Variants in C1QTNF3 observed in about 807,000 individuals in gnomAD.
The protein encoded by C1QTNF3 is C1q and TNF related 3, also known as complement C1q tumor necrosis factor-related protein 3.
In C1QTNF3, 26 loss-of-function variants were observed where a neutral mutation model predicts 32.6. The ratio of observed to expected loss-of-function variants is 0.80; its 90% CI spans 0.58 to 1.11. The LOEUF is 1.11. C1QTNF3 is among the 50% of genes least tolerant of loss of function. The pLI is 0.00. For synonymous variants in C1QTNF3, 155 were observed against 146.0 expected, an observed-to-expected ratio of 1.06 and a Z score of -0.44; for missense variants, 362 against 398.2, an observed-to-expected ratio of 0.91 and a Z score of 0.77.
chr5:34,047,181 A>G (rs1316272986), upstream of C1QTNF3, among the ~76,000 whole-genome samples: 2 of 152,206 alleles, frequency 1.3e-5, no homozygotes, highest in African/African-American at 4.8e-5. Flanking sequence ...TTCACAAAAG[A>G]CACCTGAGGA....
At chr5:34,078,554 C>T in the C1QTNF3 span, among the ~76,000 whole-genome samples, 27 of 151,650 alleles carry the variant, frequency 1.8e-4, no homozygotes, top group African/African-American at 5.4e-4. The surrounding 1 kb of genome is among the most constrained non-coding windows in gnomAD (Gnocchi z 4.0). Context: ...TGGGAGAAAC[C>T]GCCTCCATGA....
the C1QTNF3 span, among the ~76,000 whole-genome samples, chr5:34,112,567 G>A: frequency 4.0e-5 from 6 of 151,800 alleles, no homozygotes. Context: ...TACTTGGGAA[G>A]CTGAGGTGGA....
the C1QTNF3 span, among the ~76,000 whole-genome samples, chr5:34,181,081 T>A: frequency 6.6e-6 from 1 of 152,290 alleles, no homozygotes; most frequent in East Asian, 1.9e-4. Context: ...CGGCCTAGAC[T>A]GTTGTTGAAG....
chr5:34,127,590 T>C, the C1QTNF3 span, among the ~76,000 whole-genome samples: 75,132 of 145,508 alleles, frequency 0.52, 20,074 homozygotes, highest in Non-Finnish European at 0.6. Context: ...TTCTTTTCCT[T>C]TTTTTTTTTT....
the C1QTNF3 span, among the ~76,000 whole-genome samples, chr5:34,060,727 A>G: frequency 6.6e-6 from 1 of 152,156 alleles, no homozygotes; most frequent in African/African-American, 2.4e-5. Flanking sequence ...CTCATTTACT[A>G]TCATGAGAAT....
chr5:34,144,539 A>T, the C1QTNF3 span, among the ~76,000 whole-genome samples: 1 of 152,338 alleles, frequency 6.6e-6, no homozygotes, highest in South Asian at 2.1e-4. Context: ...TCATAAAGTA[A>T]GTCTCAATAA....
chr5:34,123,842 G>A, the C1QTNF3 span, among the ~76,000 whole-genome samples: 1 of 152,124 alleles, frequency 6.6e-6, no homozygotes, highest in Non-Finnish European at 1.5e-5. Context: ...AGGTGTTTGT[G>A]TATGAGTGGT....
At chr5:34,178,186 C>T in the C1QTNF3 span, among the ~76,000 whole-genome samples, 1 of 149,244 alleles carries the variant, frequency 6.7e-6, no homozygotes. Flanking sequence ...GAGGCTGATG[C>T]AGGAGAATTG....
At chr5:34,154,175 C>T in the C1QTNF3 span, among the ~76,000 whole-genome samples, 9 of 151,986 alleles carry the variant, frequency 5.9e-5, no homozygotes, top group African/African-American at 9.7e-5. Context: ...TAGTAATCAT[C>T]GGAAATTGAA....
At chr5:34,224,610 T>G in the C1QTNF3 span, among the ~76,000 whole-genome samples, 3 of 152,192 alleles carry the variant, frequency 2.0e-5, no homozygotes, top group Admixed American at 1.3e-4. Context: ...TGGAGAAAGC[T>G]GAAACTGGAT....
chr5:34,116,591 T>TA, the C1QTNF3 span, among the ~76,000 whole-genome samples: 80 of 142,426 alleles, frequency 5.6e-4, no homozygotes, highest in African/African-American at 2.1e-3. Flanking sequence ...CAACATTTTT[T>TA]AAAATTTTAT....
the C1QTNF3 span, among the ~76,000 whole-genome samples, chr5:34,121,468 C>G: frequency 0.9 from 136,706 of 151,958 alleles, 62,236 homozygotes; most frequent in East Asian, 0.98. Flanking sequence ...AATGAGGATG[C>G]AAAAGCAGAA....
At chr5:34,098,437 TAAGG>T in the C1QTNF3 span, among the ~76,000 whole-genome samples, 1 of 152,162 alleles carries the variant, frequency 6.6e-6, no homozygotes, top group Non-Finnish European at 1.5e-5. Flanking sequence ...TCGTTGACAC[TAAGG>T]AATGATAGAC....
the C1QTNF3 span, among the ~76,000 whole-genome samples, chr5:34,178,451 G>T: frequency 6.6e-6 from 1 of 152,032 alleles, no homozygotes; most frequent in South Asian, 2.1e-4. Flanking sequence ...GCTGTTCCCT[G>T]TGTGTCAACT....
At chr5:34,235,550 T>C in the C1QTNF3 span, among the ~76,000 whole-genome samples, 22 of 147,816 alleles carry the variant, frequency 1.5e-4, no homozygotes, top group Admixed American at 2.0e-4. Context: ...CTTTTTCTTT[T>C]TTTTTTTTTT....
At chr5:34,076,610 G>A in the C1QTNF3 span, among the ~76,000 whole-genome samples, 1 of 151,414 alleles carries the variant, frequency 6.6e-6, no homozygotes, top group African/African-American at 2.5e-5. Context: ...AATTTCAGTG[G>A]CATCTAGGAG....
chr5:34,055,069 A>C, the C1QTNF3 span, among the ~76,000 whole-genome samples: 4 of 152,356 alleles, frequency 2.6e-5, no homozygotes, highest in East Asian at 7.7e-4. Context: ...ACTGTATAGA[A>C]GGTTCCACAC....
At chr5:34,027,711 C>T (rs1406670175) in intron 4 of C1QTNF3, among the ~76,000 whole-genome samples, 3 of 18,814 alleles carry the variant, frequency 1.6e-4, no homozygotes, top group Non-Finnish European at 2.3e-4. Context: ...TAGAAACAAA[C>T]AAACAAAAAA....
At chr5:34,114,819 CCT>C in the C1QTNF3 span, among the ~76,000 whole-genome samples, 3,939 of 151,936 alleles carry the variant, frequency 0.026, 179 homozygotes, top group African/African-American at 0.09. Context: ...ATCATTGTGC[CCT>C]GTGTCTTAAT....
Sources: allele counts gnomAD v4.1 joint callset (sites outside exome capture counted in the v4.1 genomes callset), GRCh38; gene constraint gnomAD v4.1.1; non-coding constraint Gnocchi (gnomAD v3.1); transcripts MANE v1.5; gene names NCBI Gene and HGNC (gene_info 2026-07-23, HGNC 2026-07-21).